CCDC30: variants seen among roughly 807,000 people sequenced by gnomAD.
CCDC30 encodes the protein coiled-coil domain-containing protein 30.
CCDC30 carries 70 observed loss-of-function variants against 100.2 expected under a neutral mutation model. That is an observed-to-expected ratio of 0.70 (90% CI 0.58 to 0.85). The LOEUF is 0.85. Among genes scored for constraint, CCDC30 ranks in the 40% least tolerant of loss-of-function variants. The pLI, the probability that CCDC30 is intolerant of heterozygous loss-of-function variation, is 0.00. For synonymous variants in CCDC30, 233 were observed against 269.5 expected, an observed-to-expected ratio of 0.86 and a Z score of 1.33; for missense variants, 652 against 771.2, an observed-to-expected ratio of 0.85 and a Z score of 1.83.
At chr1:42,628,628 C>G (rs926241290) in intron 11 of CCDC30, among the ~76,000 whole-genome samples, 6 of 152,120 alleles carry the variant, frequency 3.9e-5, no homozygotes, top group African/African-American at 1.4e-4. Flanking sequence ...GTGATAGTGA[C>G]TAAGTCTCAT....
At chr1:42,518,059 G>A (rs1644582748) in intron 6 of CCDC30, among the ~76,000 whole-genome samples, 1 of 151,974 alleles carries the variant, frequency 6.6e-6, no homozygotes, top group African/African-American at 2.4e-5. Flanking sequence ...AGATAGCTTT[G>A]GATAGTATTT....
chr1:42,482,602 G>C, intron 2 of CCDC30, 61 bp from the exon 3 acceptor site: 3 of 1,080,460 alleles, frequency 2.8e-6, no homozygotes, highest in Non-Finnish European at 3.5e-6. Flanking sequence ...ATAGAAAATA[G>C]CAAAATGTCA....
intron 4 of CCDC30, among the ~76,000 whole-genome samples, chr1:42,494,725 C>T (rs1569804113): frequency 7.3e-6 from 1 of 136,634 alleles, no homozygotes; most frequent in Admixed American, 7.6e-5. Flanking sequence ...CAAAAGAAGA[C>T]ATTTATGCAG....
At position 42,596,444 on chromosome 1, in the gene CCDC30, A is replaced by G. The variant is rs975700392; in HGVS notation, c.1164+6961A>G. 2.6e-5 allele frequency among the ~76,000 whole-genome samples: 4 copies of G among 152,154 alleles called. No homozygotes were observed. Among genetic ancestry groups the G allele is most frequent in the Admixed American group, 2.6e-4 (4 of 15,272 alleles). On this transcript the variant is annotated intron_variant, in intron 10 of 16. Transcript: ENST00000668663. The surrounding 1 kb of genome is among the most constrained non-coding windows in gnomAD (Gnocchi z 4.3). ...GAGCCTAAGCTGTTGGGGTTTTGTC[A>G]GAGTCTAACAGACCTAGCGGAATAG...
At chr1:42,645,300 T>A (rs1194713828) in intron 14 of CCDC30, among the ~76,000 whole-genome samples, 1 of 152,018 alleles carries the variant, frequency 6.6e-6, no homozygotes, top group African/African-American at 2.4e-5. Context: ...GAGACTCAGT[T>A]AAGTAAAGTG....
chr1:42,510,521 G>A (rs1481373663), intron 6 of CCDC30, among the ~76,000 whole-genome samples: 1 of 152,114 alleles, frequency 6.6e-6, no homozygotes, highest in Non-Finnish European at 1.5e-5. Context: ...GCTGGATGTG[G>A]TGGCACACGC....
In CCDC30 at chr1:42,563,431, G is replaced by A. The variant is rs902042286; in HGVS notation, c.457-2865G>A. ...TGAGAATACATCGACACAGAGAGGG[G>A]AACAACATACACCAGGGCCTGTTGG... On this transcript the variant is annotated intron_variant, in intron 6 of 16. Coordinates refer to ENST00000668663, the Ensembl canonical transcript of CCDC30. Among the ~76,000 whole-genome samples the A allele has an allele frequency of 7.2e-5, 11 of 151,742 alleles. No individual in the cohort carries two copies. In the East Asian group the frequency reaches 2.1e-3, roughly 30 times the overall value.
intron 11 of CCDC30, among the ~76,000 whole-genome samples, chr1:42,613,726 G>A (rs1646671195): frequency 6.6e-6 from 1 of 152,166 alleles, no homozygotes; most frequent in Non-Finnish European, 1.5e-5. Flanking sequence ...CATATAATGG[G>A]GAGTGAGGAC....
intron 6 of CCDC30, among the ~76,000 whole-genome samples, chr1:42,527,083 C>T (rs1224305238): frequency 3.3e-5 from 5 of 152,066 alleles, no homozygotes; most frequent in South Asian, 2.1e-4. Context: ...TAAAGCTGAC[C>T]AGGAAGGTAA....
At chr1:42,617,907 G>C (rs1646755883) in intron 11 of CCDC30, among the ~76,000 whole-genome samples, 1 of 152,136 alleles carries the variant, frequency 6.6e-6, no homozygotes, top group Admixed American at 6.5e-5. Flanking sequence ...TTTGGGAAAG[G>C]GCTGTTATCA....
chr1:42,648,860 G>A (rs1006332397), intron 15 of CCDC30, among the ~76,000 whole-genome samples: 4 of 151,486 alleles, frequency 2.6e-5, no homozygotes, highest in Non-Finnish European at 5.9e-5. Flanking sequence ...AAATGAAAAA[G>A]GAGACATAAC....
chr1:42,485,758 A>G (rs1427190266), intron 3 of CCDC30, among the ~76,000 whole-genome samples: 3 of 152,202 alleles, frequency 2.0e-5, no homozygotes, highest in African/African-American at 7.2e-5. Context: ...ATAAAAATTG[A>G]TAAGTATGTG....
At chr1:42,498,785 G>A (rs1310726117) in intron 5 of CCDC30, 33 bp from the exon 6 acceptor site, 4 of 1,049,238 alleles carry the variant, frequency 3.8e-6, no homozygotes. Flanking sequence ...CAAAAATTGA[G>A]AAGTCTACAA....
chr1:42,560,373 G>GTTT (rs1293744975), intron 6 of CCDC30, among the ~76,000 whole-genome samples: 3 of 151,904 alleles, frequency 2.0e-5, no homozygotes, highest in Non-Finnish European at 4.4e-5. Flanking sequence ...TGTTGTTGTT[G>GTTT]TTGTTTTTGT....
chr1:42,512,096 G>C (rs2148492615), intron 6 of CCDC30, among the ~76,000 whole-genome samples: 1 of 152,354 alleles, frequency 6.6e-6, no homozygotes, highest in East Asian at 1.9e-4. Flanking sequence ...GCTCTGGCTA[G>C]TTATCTGCAG....
chr1:42,636,361 G>A (rs535668279), intron 11 of CCDC30, among the ~76,000 whole-genome samples: 4 of 152,030 alleles, frequency 2.6e-5, no homozygotes, highest in Non-Finnish European at 5.9e-5. Flanking sequence ...AGCCATGATT[G>A]TACCACTGCA....
chr1:42,463,156 C>T (rs1015706324), upstream of CCDC30, among the ~76,000 whole-genome samples: 5 of 152,152 alleles, frequency 3.3e-5, no homozygotes, highest in East Asian at 9.6e-4. Context: ...CCGCCCCCGA[C>T]CCGAAGGCCA....
chr1:42,473,606 C>CT (rs770112672), intron 1 of CCDC30: 114 of 268,262 alleles, frequency 4.2e-4, no homozygotes, highest in Non-Finnish European at 5.7e-4. Flanking sequence ...CTAGGTGACT[C>CT]TTTTTTTTGA....
At chr1:42,629,558 C>A (rs1646994911) in intron 11 of CCDC30, among the ~76,000 whole-genome samples, 1 of 151,940 alleles carries the variant, frequency 6.6e-6, no homozygotes, top group Non-Finnish European at 1.5e-5. Context: ...ATATTGATAT[C>A]TTTCTCTAGG....
Sources: allele counts gnomAD v4.1 joint callset (sites outside exome capture counted in the v4.1 genomes callset), GRCh38; gene constraint gnomAD v4.1.1; non-coding constraint Gnocchi (gnomAD v3.1); transcripts MANE v1.5; gene names NCBI Gene and HGNC (gene_info 2026-07-23, HGNC 2026-07-21).